The following SVIL variants were observed in gnomAD, a reference collection of about 807,000 sequenced individuals.
SVIL encodes archvillin.
In SVIL, 101 loss-of-function variants were observed where a neutral mutation model predicts 240.4. That is an observed-to-expected ratio of 0.42 (90% confidence interval 0.36 to 0.50). The LOEUF is 0.50. Among genes scored for constraint, SVIL ranks in the 20% least tolerant of loss-of-function variants. The pLI, the probability that SVIL is intolerant of heterozygous loss-of-function variation, is 0.01. For synonymous variants in SVIL, 999 were observed against 1,100.0 expected (o/e 0.91, Z 1.82); for missense variants, 2,512 against 2,818.7 (o/e 0.89, Z 2.46).
intron 3 of SVIL, among the ~76,000 whole-genome samples, chr10:29,561,359 G>T (rs923960171): frequency 1.3e-5 from 2 of 152,020 alleles, no homozygotes; most frequent in African/African-American, 4.8e-5. Flanking sequence ...TCCTGTTTTT[G>T]ATTTTTCTGC....
At chr10:29,477,950 CTCAT>C (rs1348536235) in intron 29 of SVIL, among the ~76,000 whole-genome samples, 36 of 152,324 alleles carry the variant, frequency 2.4e-4, no homozygotes, top group African/African-American at 8.4e-4. Context: ...AACAGTTTTA[CTCAT>C]TCATTCACTC....
intron 16 of SVIL, among the ~76,000 whole-genome samples, chr10:29,514,823 C>T (rs755991889): frequency 5.3e-5 from 8 of 152,156 alleles, no homozygotes; most frequent in South Asian, 2.1e-4. Context: ...CTTCCCGATT[C>T]CCATTAAATA....
Position 29,563,195 on chromosome 10 carries a change from C to G in SVIL, c.-51+6G>C, listed in dbSNP as rs1016864947. On this transcript the variant is annotated splice_donor_region_variant and intron_variant, in intron 3 of 37. Transcript: ENST00000355867. ...GACATGGTTGGTCACTTAGGAACAG[C>G]CTTACCTTTAGGAAGTGCAACTAAA... The G allele has an allele frequency of 4.1e-6, 4 of 971,690 alleles. No homozygotes were observed. The highest frequency in any genetic ancestry group is 4.9e-6 in the Non-Finnish European group (4 of 817,214). The allele number at this position is 971,690 out of a possible 1,614,324, so 60.2% of individuals were successfully genotyped here.
intron 1 of SVIL, among the ~76,000 whole-genome samples, chr10:29,710,988 T>A (rs184363938): frequency 1.1e-3 from 174 of 152,300 alleles, no homozygotes; most frequent in African/African-American, 3.8e-3. Flanking sequence ...TCAAAAAGAA[T>A]GCATTTATTT....
rs139558991 is a variant in SVIL, at chr10:29,573,783, C to T, written c.-200-4471G>A. Reference sequence around the variant, plus strand: ...GTCTCTTGGGTCACTACAACCTCCACCTCCCGGGTTCAAGCGATTCTCCTG... The same window carrying T: ...GTCTCTTGGGTCACTACAACCTCCATCTCCCGGGTTCAAGCGATTCTCCTG... On this transcript the variant is annotated intron_variant, in intron 1 of 37. Coordinates refer to ENST00000355867, the MANE Select transcript of SVIL (RefSeq NM_021738.3). 9.6e-3 allele frequency among the ~76,000 whole-genome samples: 1,458 copies of T among 152,184 alleles called. 6 individuals carry two copies. Among genetic ancestry groups the T allele is most frequent in the Non-Finnish European group, 0.015 (1,044 of 68,020 alleles).
chr10:29,645,812 G>A (rs149710452), intron 3 of SVIL, among the ~76,000 whole-genome samples: 2 of 152,356 alleles, frequency 1.3e-5, no homozygotes, highest in Non-Finnish European at 2.9e-5. Flanking sequence ...GCAAGTACAA[G>A]TAATTCCCTC....
At chr10:29,586,309 A>T (rs1163698024) in intron 1 of SVIL, among the ~76,000 whole-genome samples, 2 of 152,216 alleles carry the variant, frequency 1.3e-5, no homozygotes, top group Non-Finnish European at 2.9e-5. Context: ...TAATTGACAA[A>T]TAATAAATGT....
At chr10:29,583,450 C>A (rs943480126) in intron 1 of SVIL, among the ~76,000 whole-genome samples, 1 of 152,162 alleles carries the variant, frequency 6.6e-6, no homozygotes, top group East Asian at 1.9e-4. Flanking sequence ...CAGGGGCCCA[C>A]CACCACGCCT....
At position 29,533,041 on chromosome 10, in the gene SVIL, ATCT is replaced by A. The variant is rs755039433; in HGVS notation, c.1323_1325del (p.Glu441del). The A allele has an allele frequency of 6.0e-5, 97 of 1,613,880 alleles. No homozygotes were observed. Among genetic ancestry groups the A allele is most frequent in the Middle Eastern group, 3.3e-4 (2 of 6,078 alleles). ...GCTCGAGAGCTTCAGTGAAGCACACATCTTCTTCTTTTTCTTCTCCTTCTCCTT... is the reference window on the plus strand; with the variant it reads ...GCTCGAGAGCTTCAGTGAAGCACACATCTTCTTTTTCTTCTCCTTCTCCTT... On this transcript the variant is annotated inframe_deletion, in exon 8 of 38. Coordinates refer to ENST00000355867, the MANE Select transcript of SVIL (RefSeq NM_021738.3).
At chr10:29,537,766 T>C (rs1246827678) in intron 6 of SVIL, among the ~76,000 whole-genome samples, 1 of 152,230 alleles carries the variant, frequency 6.6e-6, no homozygotes, top group African/African-American at 2.4e-5. Flanking sequence ...CTGGCACCGC[T>C]ATTGTACGTC....
chr10:29,718,320 C>T lies in SVIL; in HGVS notation c.-400+17431G>A, dbSNP rs563180991. Among the ~76,000 whole-genome samples, 67 of 142,518 alleles carry T rather than the reference C, an allele frequency of 4.7e-4. 1 individual carries two copies. Among genetic ancestry groups the T allele is most frequent in the Middle Eastern group, 3.6e-3 (1 of 276 alleles). 93.5% of individuals were successfully genotyped at this position (142,518 alleles called of 152,430 possible). On this transcript the variant is annotated intron_variant, in intron 1 of 35. Transcript: ENST00000375400. ...CAGCCTGGGCAACAGAGCAAGACTC[C>T]GTCTCAAAAAAAAAAAAAATTCGCC...
chr10:29,709,808 C>G (rs1456486627), intron 1 of SVIL, among the ~76,000 whole-genome samples: 1 of 152,142 alleles, frequency 6.6e-6, no homozygotes, highest in African/African-American at 2.4e-5. Flanking sequence ...CAGCCGGCTC[C>G]CAGCAAGGCT....
Position 29,480,678 on chromosome 10 carries a change from G to A in SVIL, c.5236C>T (p.Gln1746Ter), listed in dbSNP as rs1206766524. 2 of 1,614,086 alleles carry A rather than the reference G, an allele frequency of 1.2e-6. No individual in the cohort carries two copies. The highest frequency in any genetic ancestry group is 1.3e-5 in the African/African-American group (1 of 74,934). Reference sequence around the variant, plus strand: ...ACGGAAACGCTGGTGATCTCAAACTGCCTCCTGTCGTGTCCTTCCACCAGG... The same window carrying A: ...ACGGAAACGCTGGTGATCTCAAACTACCTCCTGTCGTGTCCTTCCACCAGG... ...YGLVEGHDRRQFEITSVSVDV... is the reference protein window; with the variant it reads ...YGLVEGHDRR The change falls in exon 29 of 38, where the codon CAG becomes TAG. Residue 1746 changes from glutamine (Q) to a stop codon, truncating the protein, a stop_gained. Transcript: ENST00000355867. LOFTEE classifies it high-confidence loss of function.
intron 6 of SVIL, chr10:29,545,079 A>G (rs1952529174): frequency 1.9e-6 from 1 of 534,484 alleles, no homozygotes; most frequent in South Asian, 1.4e-5. Flanking sequence ...AGAGCGTGGA[A>G]GGTCAAGCAC....
chr10:29,509,346 AG>A (rs1949635933), intron 17 of SVIL, among the ~76,000 whole-genome samples: 1 of 103,450 alleles, frequency 9.7e-6, no homozygotes, highest in Non-Finnish European at 2.0e-5. Flanking sequence ...AGAGAGAGAG[AG>A]AGAGAGAGAG....
At chr10:29,684,379 C>G (rs1276764668) in intron 2 of SVIL, among the ~76,000 whole-genome samples, 2 of 151,924 alleles carry the variant, frequency 1.3e-5, no homozygotes, top group African/African-American at 4.8e-5. Flanking sequence ...TTTACAGAGA[C>G]AGAAGACATT....
chr10:29,458,810 A>C (rs1943874048), intron 36 of SVIL: 1 of 353,918 alleles, frequency 2.8e-6, no homozygotes, highest in Non-Finnish European at 4.9e-6. Flanking sequence ...TTTAAATTAA[A>C]AAATGGTATT....
chr10:29,543,539 A>G lies in SVIL; in HGVS notation c.827+7058T>C, dbSNP rs866721057. Among the ~76,000 whole-genome samples, 7 of 152,016 alleles carry G rather than the reference A, an allele frequency of 4.6e-5. No homozygotes were observed. The South Asian group carries it at 1.5e-3, about 32-fold the overall frequency. ...TCCACAATCTTGAACTTGTGCACTG[A>G]TTTTTTTTCCATCTAAATTCAAGAC... On this transcript the variant is annotated intron_variant, in intron 6 of 37. Transcript: ENST00000355867.
chr10:29,707,548 C>T (rs1473589446), intron 1 of SVIL, among the ~76,000 whole-genome samples: 3 of 152,106 alleles, frequency 2.0e-5, no homozygotes, highest in Admixed American at 2.0e-4. Context: ...AACCAAATTT[C>T]TATTAATTCC....
Sources: gnomAD v4.1 joint callset for allele counts (sites outside exome capture counted in the v4.1 genomes callset) on GRCh38, gnomAD v4.1.1 for gene constraint, MANE v1.5 for transcripts, NCBI Gene and HGNC (gene_info 2026-07-23, HGNC 2026-07-21) for gene names.